The following SLC25A21 variants were observed in gnomAD, a reference collection of about 807,000 sequenced individuals.
SLC25A21 encodes mitochondrial 2-oxodicarboxylate carrier.
In SLC25A21, 47 loss-of-function variants were observed where a neutral mutation model predicts 43.8. The ratio of observed to expected loss-of-function variants is 1.07; its 90% confidence interval spans 0.85 to 1.37. SLC25A21 has a LOEUF of 1.37. Among genes scored for constraint, SLC25A21 ranks in the 40% most tolerant of loss-of-function variants. SLC25A21 has a pLI of 0.00. For missense variants in SLC25A21, 352 were observed against 350.2 expected, an observed-to-expected ratio of 1.00 and a Z score of -0.04; for synonymous variants, 131 against 121.3, an observed-to-expected ratio of 1.08 and a Z score of -0.52.
At chr14:37,148,593 A>T (rs1382861122) in intron 1 of SLC25A21, among the ~76,000 whole-genome samples, 4 of 152,218 alleles carry the variant, frequency 2.6e-5, no homozygotes, top group African/African-American at 4.8e-5. Flanking sequence ...ATATGGTTAC[A>T]TGGGGATATA....
At chr14:37,114,860 C>T (rs1963079801) in intron 1 of SLC25A21, among the ~76,000 whole-genome samples, 1 of 150,814 alleles carries the variant, frequency 6.6e-6, no homozygotes, top group South Asian at 2.1e-4. Context: ...TCGATGTTTT[C>T]TCCTTGTATT....
chr14:36,922,939 A>G (rs1478016778), intron 1 of SLC25A21, among the ~76,000 whole-genome samples: 1 of 152,200 alleles, frequency 6.6e-6, no homozygotes, highest in Non-Finnish European at 1.5e-5. Context: ...CCAGAATTCA[A>G]CTGAAAATTA....
At chr14:36,921,297 G>A (rs1891974588) in intron 1 of SLC25A21, among the ~76,000 whole-genome samples, 1 of 152,236 alleles carries the variant, frequency 6.6e-6, no homozygotes, top group Middle Eastern at 3.4e-3. Context: ...ACACTGAAGA[G>A]TAGTACCATA....
At position 36,679,136 on chromosome 14, in the gene SLC25A21, C is replaced by A. The variant is rs564161819; in HGVS notation, c.*1522G>T. 1.4e-5 allele frequency: 14 copies of A among 985,332 alleles called. No homozygotes were observed. In the African/African-American group the frequency reaches 2.3e-4, roughly 16 times the overall value. The allele number at this position is 985,332 out of a possible 1,614,324, so 61.0% of individuals were successfully genotyped here. On this transcript the variant is annotated 3_prime_UTR_variant, in exon 10 of 10. Coordinates refer to ENST00000331299, the MANE Select transcript of SLC25A21 (RefSeq NM_030631.4). The stretch of plus-strand genomic sequence containing the variant: ...TCATTGGATGTAAGAATATTACCTG[C>A]AAGGATAGAATGCAGTTGTGCAACA...
At chr14:36,889,080 T>C (rs1416321977) in intron 1 of SLC25A21, among the ~76,000 whole-genome samples, 3 of 152,216 alleles carry the variant, frequency 2.0e-5, no homozygotes, top group East Asian at 3.9e-4. Flanking sequence ...TATTCTACAC[T>C]GGCCTCTTTG....
At chr14:36,921,306 T>C (rs977916951) in intron 1 of SLC25A21, among the ~76,000 whole-genome samples, 3 of 152,144 alleles carry the variant, frequency 2.0e-5, no homozygotes, top group African/African-American at 4.8e-5. Flanking sequence ...AGTAGTACCA[T>C]AGTTCATTTG....
chr14:37,022,969 T>C (rs1566822392), intron 1 of SLC25A21, among the ~76,000 whole-genome samples: 1 of 152,030 alleles, frequency 6.6e-6, no homozygotes, highest in Admixed American at 6.6e-5. Flanking sequence ...AGAAAACTCT[T>C]GATGCAGACA....
At chr14:36,743,910 C>G (rs939228455) in intron 3 of SLC25A21, among the ~76,000 whole-genome samples, 15 of 152,102 alleles carry the variant, frequency 9.9e-5, no homozygotes, top group African/African-American at 3.4e-4. Flanking sequence ...AAATCGAGAA[C>G]TGAATCTCAT....
chr14:36,942,132 C>T (rs889601340), intron 1 of SLC25A21, among the ~76,000 whole-genome samples: 2 of 151,590 alleles, frequency 1.3e-5, no homozygotes, highest in Non-Finnish European at 2.9e-5. Context: ...CAATTAACAC[C>T]GAGCTTAAGA....
At chr14:36,979,116 G>A (rs527947734) in intron 1 of SLC25A21, among the ~76,000 whole-genome samples, 9 of 152,172 alleles carry the variant, frequency 5.9e-5, no homozygotes, top group Admixed American at 6.5e-5. Context: ...TAAGACAACA[G>A]TATGCTTTAA....
At chr14:36,767,881 A>C (rs2138349826) in intron 3 of SLC25A21, among the ~76,000 whole-genome samples, 1 of 152,312 alleles carries the variant, frequency 6.6e-6, no homozygotes. Context: ...CTCACCAGTG[A>C]GGAGGTGGCA....
intron 1 of SLC25A21, among the ~76,000 whole-genome samples, chr14:37,120,320 T>C (rs536065090): frequency 6.6e-6 from 1 of 152,336 alleles, no homozygotes; most frequent in African/African-American, 2.4e-5. Flanking sequence ...ATAAAAAGCA[T>C]ATATTGTACA....
chr14:36,728,990 A>G (rs935463081), intron 5 of SLC25A21, among the ~76,000 whole-genome samples: 1 of 152,232 alleles, frequency 6.6e-6, no homozygotes, highest in African/African-American at 2.4e-5. Context: ...TGTGTGATAC[A>G]TGAGATATGT....
At chr14:37,089,770 A>G (rs1962550280) in intron 1 of SLC25A21, among the ~76,000 whole-genome samples, 1 of 152,232 alleles carries the variant, frequency 6.6e-6, no homozygotes, top group Non-Finnish European at 1.5e-5. Flanking sequence ...GGAGATAACT[A>G]ATGGAGTAAA....
chr14:36,720,122 C>A (rs1594521145), intron 6 of SLC25A21, among the ~76,000 whole-genome samples: 1 of 152,216 alleles, frequency 6.6e-6, no homozygotes, highest in Non-Finnish European at 1.5e-5. Context: ...CCCACACCTT[C>A]TTCTAGACCA....
intron 7 of SLC25A21, among the ~76,000 whole-genome samples, chr14:36,704,254 C>T (rs113701212): frequency 6.6e-6 from 1 of 152,154 alleles, no homozygotes; most frequent in African/African-American, 2.4e-5. Flanking sequence ...TGGGTCTGAG[C>T]ATGGCAGAAA....
intron 1 of SLC25A21, among the ~76,000 whole-genome samples, chr14:36,992,818 A>T (rs1960293022): frequency 6.6e-6 from 1 of 152,212 alleles, no homozygotes; most frequent in Non-Finnish European, 1.5e-5. Flanking sequence ...TATAGGTCTA[A>T]TTACTGCAAT....
At chr14:37,085,188 C>T (rs1379285585) in intron 1 of SLC25A21, among the ~76,000 whole-genome samples, 1 of 152,202 alleles carries the variant, frequency 6.6e-6, no homozygotes, top group East Asian at 1.9e-4. Context: ...ATAGTGGCAT[C>T]TCAGAGACGC....
At chr14:37,150,584 G>T (rs1250363361) in intron 1 of SLC25A21, among the ~76,000 whole-genome samples, 1 of 152,170 alleles carries the variant, frequency 6.6e-6, no homozygotes, top group Non-Finnish European at 1.5e-5. Context: ...GTAATCAGAA[G>T]TTAACACACT....
Sources: gnomAD v4.1 joint callset for allele counts (sites outside exome capture counted in the v4.1 genomes callset) on GRCh38, gnomAD v4.1.1 for gene constraint, MANE v1.5 for transcripts, NCBI Gene and HGNC (gene_info 2026-07-23, HGNC 2026-07-21) for gene names.